Variants in ATP9B observed in about 807,000 individuals in gnomAD.
The protein encoded by ATP9B is probable phospholipid-transporting ATPase IIB.
A neutral mutation model predicts 146.1 loss-of-function variants in ATP9B; 110 were observed. The observed-to-expected ratio is 0.75, with a 90% confidence interval of 0.65 to 0.88. The LOEUF (loss-of-function observed/expected upper bound fraction) is 0.88, where lower values mean the gene tolerates loss of function less well. Among genes scored for constraint, ATP9B ranks in the 40% least tolerant of loss-of-function variants. The pLI, the probability that ATP9B is intolerant of heterozygous loss-of-function variation, is 0.00. For synonymous variants in ATP9B, 604 were observed against 569.7 expected, an observed-to-expected ratio of 1.06 and a Z score of -0.86; for missense variants, 1,499 against 1,496.4, an observed-to-expected ratio of 1.00 and a Z score of -0.03.
chr18:79,336,742 TACG>T, intron 18 of ATP9B, 31 bp downstream of exon 18: 2 of 1,603,834 alleles, frequency 1.2e-6, no homozygotes, highest in African/African-American at 1.3e-5. Context: ...CCCATCCTCC[TACG>T]ACGTTTCCTT....
chr18:79,167,487 A>G (rs958076334), intron 7 of ATP9B, among the ~76,000 whole-genome samples: 19 of 152,068 alleles, frequency 1.2e-4, no homozygotes, highest in Admixed American at 6.6e-4. Context: ...CTCAGCGGAC[A>G]GGGGACCTGG....
chr18:79,345,971 G>A (rs548726595), intron 23 of ATP9B, 132 bp downstream of exon 23: 22 of 988,874 alleles, frequency 2.2e-5, no homozygotes, highest in African/African-American at 1.4e-4. Context: ...GCGTACGCTC[G>A]GTCAGCAAAC....
chr18:79,366,373 G>A (rs1244858825), intron 26 of ATP9B, among the ~76,000 whole-genome samples: 3 of 152,224 alleles, frequency 2.0e-5, no homozygotes, highest in East Asian at 1.9e-4. Flanking sequence ...GAAGAAAGGA[G>A]CTCTTTTCAG....
At chr18:79,173,174 A>G (rs2095106366) in intron 7 of ATP9B, among the ~76,000 whole-genome samples, 1 of 152,118 alleles carries the variant, frequency 6.6e-6, no homozygotes, top group Non-Finnish European at 1.5e-5. Context: ...CCATTTTCTA[A>G]TTGGATTTAT....
At chr18:79,228,790 C>G (rs1027227516) in intron 11 of ATP9B, among the ~76,000 whole-genome samples, 3 of 152,050 alleles carry the variant, frequency 2.0e-5, no homozygotes, top group Non-Finnish European at 4.4e-5. Context: ...TTTGGGAAGT[C>G]GTGGCAGGCA....
intron 17 of ATP9B, among the ~76,000 whole-genome samples, chr18:79,336,165 C>CCA (rs1568733279): frequency 1.8e-4 from 24 of 132,962 alleles, no homozygotes; most frequent in Non-Finnish European, 2.6e-4. Context: ...TGTGCACCCT[C>CCA]TGTGCCCTCC....
chr18:79,338,351 T>C (rs2096838913), intron 19 of ATP9B, among the ~76,000 whole-genome samples: 1 of 152,064 alleles, frequency 6.6e-6, no homozygotes, highest in African/African-American at 2.4e-5. Flanking sequence ...CCCAGCACCT[T>C]CTCCGTAGCT....
intron 15 of ATP9B, among the ~76,000 whole-genome samples, chr18:79,309,535 G>A (rs2096640310): frequency 7.0e-6 from 1 of 142,140 alleles, no homozygotes; most frequent in Non-Finnish European, 1.5e-5. Context: ...AGAAGGTCAG[G>A]GGTGGTGGAG....
intron 15 of ATP9B, among the ~76,000 whole-genome samples, chr18:79,309,880 G>T (rs543996381): frequency 6.6e-6 from 1 of 152,144 alleles, no homozygotes; most frequent in Non-Finnish European, 1.5e-5. Flanking sequence ...CATGACTATT[G>T]AATGAGTAGA....
intron 13 of ATP9B, among the ~76,000 whole-genome samples, chr18:79,286,046 T>C (rs1264373254): frequency 3.3e-5 from 5 of 151,676 alleles, no homozygotes; most frequent in African/African-American, 9.7e-5. Flanking sequence ...TGAAGTCAGG[T>C]AGCATGATGC....
intron 12 of ATP9B, among the ~76,000 whole-genome samples, chr18:79,268,150 TAA>T (rs2096222455): frequency 6.6e-6 from 1 of 152,136 alleles, no homozygotes; most frequent in South Asian, 2.1e-4. Context: ...TGTTTTGTGT[TAA>T]TGTAGCAATG....
At chr18:79,083,712 C>T (rs933621526) in intron 1 of ATP9B, among the ~76,000 whole-genome samples, 2 of 152,162 alleles carry the variant, frequency 1.3e-5, no homozygotes, top group African/African-American at 4.8e-5. Context: ...CCCCACTTTG[C>T]TTCAGCTTGC....
intron 12 of ATP9B, among the ~76,000 whole-genome samples, chr18:79,271,535 A>G (rs766808002): frequency 1.4e-3 from 206 of 152,262 alleles, no homozygotes; most frequent in South Asian, 5.4e-3. Context: ...GATGGTTTCC[A>G]GCTTCATCCA....
At chr18:79,103,630 TTAAG>T (rs912249021) in intron 2 of ATP9B, among the ~76,000 whole-genome samples, 3 of 152,202 alleles carry the variant, frequency 2.0e-5, no homozygotes, top group South Asian at 2.1e-4. Flanking sequence ...ATCAGGTCAA[TTAAG>T]TAAGGATATG....
At position 79,337,318 on chromosome 18, in the gene ATP9B, T is replaced by G; in HGVS notation, c.2152T>G (p.Ser718Ala). Reference sequence around the variant, plus strand: ...AGCCAAGCTGAGCATGCACGACAGGTCCCTCAAGGTGGCCGCGGTAGTCGA... The same window carrying G: ...AGCCAAGCTGAGCATGCACGACAGGGCCCTCAAGGTGGCCGCGGTAGTCGA... The part of the protein sequence containing the change: ...TQAKLSMHDR[S>A]LKVAAVVESL... Residue 718 changes from serine to alanine, a missense_variant, in exon 19 of 30, where the codon TCC becomes GCC. Transcript: ENST00000426216. 3 of 1,614,008 alleles carry G rather than the reference T, an allele frequency of 1.9e-6. No individual in the cohort carries two copies. Among genetic ancestry groups the G allele is most frequent in the Non-Finnish European group, 2.5e-6 (3 of 1,180,004 alleles).
At chr18:79,279,667 T>G (rs1244939623) in intron 13 of ATP9B, among the ~76,000 whole-genome samples, 1 of 152,128 alleles carries the variant, frequency 6.6e-6, no homozygotes, top group Non-Finnish European at 1.5e-5. Context: ...TCATTAAAAA[T>G]AAATGTAAAC....
chr18:79,143,768 T>G (rs1003854958), intron 5 of ATP9B, 34 bp from the exon 6 acceptor site: 4 of 1,445,664 alleles, frequency 2.8e-6, no homozygotes, highest in Middle Eastern at 1.8e-4. Flanking sequence ...TGCTGTTGTT[T>G]CCTTGAGTTG....
Position 79,193,463 on chromosome 18 carries a change from AT to A in ATP9B, c.954+208del, listed in dbSNP as rs569870049. ...GGATACATTTAGTACAGTTTTTGGA[AT>A]TTTTTTTAGCATATTTACTAATAAG... is the stretch of plus-strand genomic sequence containing the variant. On this transcript the variant is annotated intron_variant, in intron 9 of 29. Coordinates refer to ENST00000426216, the MANE Select transcript of ATP9B (RefSeq NM_198531.5). Among the ~76,000 whole-genome samples, 4 of 152,038 alleles carry A rather than the reference AT, an allele frequency of 2.6e-5. No homozygotes were observed. In the South Asian group the frequency reaches 6.2e-4, roughly 24 times the overall value.
intron 1 of ATP9B, chr18:79,078,138 C>G (rs1293344499): frequency 1.3e-5 from 2 of 152,370 alleles, no homozygotes; most frequent in African/African-American, 4.8e-5. Flanking sequence ...GCTTCACGCA[C>G]TCTTTGCTGT....
Sources: allele counts gnomAD v4.1 joint callset (sites outside exome capture counted in the v4.1 genomes callset), GRCh38; gene constraint gnomAD v4.1.1; transcripts MANE v1.5; gene names NCBI Gene and HGNC (gene_info 2026-07-23, HGNC 2026-07-21).